SAMD5: variants seen among roughly 807,000 people sequenced by gnomAD.
The protein encoded by SAMD5 is sterile alpha motif domain containing 5, also known as sterile alpha motif domain-containing protein 5.
SAMD5 carries 13 observed loss-of-function variants against 11.3 expected under a neutral mutation model. The ratio of observed to expected loss-of-function variants is 1.15; its 90% CI spans 0.75 to 1.83. The LOEUF is 1.83. Among genes scored for constraint, SAMD5 ranks in the 40% most tolerant of loss-of-function variants. The pLI is 0.00. For synonymous variants in SAMD5, 129 were observed against 111.3 expected, an observed-to-expected ratio of 1.16 and a Z score of -1.00; for missense variants, 255 against 239.1, an observed-to-expected ratio of 1.07 and a Z score of -0.44.
chr6:147,735,087 A>G (rs1791776172), intron 1 of SAMD5, among the ~76,000 whole-genome samples: 1 of 152,244 alleles, frequency 6.6e-6, no homozygotes, highest in Admixed American at 6.5e-5. Context: ...AGAGCTGGTT[A>G]AATGTTTATG....
At chr6:147,885,125 T>G in the SAMD5 span, among the ~76,000 whole-genome samples, 7 of 152,342 alleles carry the variant, frequency 4.6e-5, no homozygotes, top group African/African-American at 1.7e-4. Context: ...CTGCCAGTAT[T>G]GCTTTTGTCT....
At chr6:147,581,260 C>T (rs1789293001) in intron 1 of SAMD5, among the ~76,000 whole-genome samples, 1 of 152,034 alleles carries the variant, frequency 6.6e-6, no homozygotes, top group Non-Finnish European at 1.5e-5. Context: ...ATTTGTAGGG[C>T]AAGGGGGATA....
chr6:147,832,675 C>T, the SAMD5 span, among the ~76,000 whole-genome samples: 6 of 152,220 alleles, frequency 3.9e-5, no homozygotes, highest in South Asian at 2.1e-4. Flanking sequence ...TCTATTGCTT[C>T]GTTAATACTT....
In SAMD5 at chr6:147,568,140, G is replaced by A. The variant is rs1277907468; in HGVS notation, c.*3684G>A. ...GATTTACAAATTAGGAGTGCAAATG[G>A]GCTGTTCCCCGATAGCATCTTCTGG... On this transcript the variant is annotated 3_prime_UTR_variant, in exon 2 of 2. Coordinates refer to ENST00000367474, the MANE Select transcript of SAMD5 (RefSeq NM_001030060.3). 2.0e-6 allele frequency: 2 copies of A among 985,100 alleles called. No individual in the cohort carries two copies. Among genetic ancestry groups the A allele is most frequent in the Non-Finnish European group, 2.4e-6 (2 of 829,894 alleles). 61.0% of individuals were successfully genotyped at this position (985,100 alleles called of 1,614,324 possible).
At chr6:147,672,909 T>A (rs1480706174) in intron 1 of SAMD5, among the ~76,000 whole-genome samples, 1 of 152,208 alleles carries the variant, frequency 6.6e-6, no homozygotes, top group Non-Finnish European at 1.5e-5. Flanking sequence ...TTGTTGTAAC[T>A]GTTTAACATA....
intron 1 of SAMD5, among the ~76,000 whole-genome samples, chr6:147,586,417 G>C: frequency 6.6e-6 from 1 of 152,100 alleles, no homozygotes; most frequent in East Asian, 1.9e-4. Flanking sequence ...AGGTAAATAT[G>C]CTTGTGCCCT....
the SAMD5 span, among the ~76,000 whole-genome samples, chr6:147,744,622 G>T: frequency 1.3e-5 from 2 of 152,286 alleles, no homozygotes; most frequent in South Asian, 4.1e-4. Flanking sequence ...CCCAGGCTGG[G>T]CGCGGTGGCT....
At chr6:147,559,801 T>A (rs1046288703) in intron 1 of SAMD5, among the ~76,000 whole-genome samples, 2 of 152,242 alleles carry the variant, frequency 1.3e-5, no homozygotes, top group Non-Finnish European at 2.9e-5. Flanking sequence ...GAAAACTCTT[T>A]AAATAGAAAA....
intron 1 of SAMD5, among the ~76,000 whole-genome samples, chr6:147,707,585 T>A (rs1382034791): frequency 6.6e-6 from 1 of 152,330 alleles, no homozygotes; most frequent in East Asian, 1.9e-4. Flanking sequence ...GTGTTTAATG[T>A]AAAATTTTCA....
At chr6:147,662,455 G>A (rs1203574386) in intron 1 of SAMD5, among the ~76,000 whole-genome samples, 3 of 152,176 alleles carry the variant, frequency 2.0e-5, no homozygotes, top group African/African-American at 7.2e-5. Context: ...GAAGAAAAAT[G>A]GCTGATTTCC....
At chr6:147,920,059 G>T in the SAMD5 span, among the ~76,000 whole-genome samples, 4 of 152,138 alleles carry the variant, frequency 2.6e-5, no homozygotes, top group Non-Finnish European at 5.9e-5. Flanking sequence ...GTTTGTGATG[G>T]TTACCATTGA....
intron 1 of SAMD5, among the ~76,000 whole-genome samples, chr6:147,680,413 A>T (rs1463828499): frequency 6.6e-6 from 1 of 152,140 alleles, no homozygotes; most frequent in Non-Finnish European, 1.5e-5. Context: ...TCTGGTAAAC[A>T]CATTATTATT....
intron 1 of SAMD5, among the ~76,000 whole-genome samples, chr6:147,716,891 C>T (rs1446028574): frequency 6.6e-6 from 1 of 152,226 alleles, no homozygotes; most frequent in African/African-American, 2.4e-5. Context: ...AATCTTGACA[C>T]CACCTGTGAC....
the SAMD5 span, among the ~76,000 whole-genome samples, chr6:147,799,611 G>A: frequency 6.6e-6 from 1 of 151,544 alleles, no homozygotes; most frequent in Non-Finnish European, 1.5e-5. Context: ...TCTGAACTTT[G>A]GCCTGCCTTA....
intron 1 of SAMD5, among the ~76,000 whole-genome samples, chr6:147,621,688 C>T (rs1562335690): frequency 6.6e-6 from 1 of 152,186 alleles, no homozygotes; most frequent in Non-Finnish European, 1.5e-5. Flanking sequence ...AGGAGAGCTG[C>T]CGAGGAGCAG....
the SAMD5 span, among the ~76,000 whole-genome samples, chr6:147,877,874 A>ACACACACC: frequency 2.5e-5 from 3 of 120,546 alleles, no homozygotes; most frequent in African/African-American, 7.6e-5. Context: ...ACACACACAC[A>ACACACACC]CACACACGAT....
chr6:147,595,623 C>G (rs906918711), intron 1 of SAMD5, among the ~76,000 whole-genome samples: 22 of 149,404 alleles, frequency 1.5e-4, no homozygotes, highest in African/African-American at 4.5e-4. Context: ...ACCTCCTAGG[C>G]TCAAAAGATT....
At chr6:147,524,010 CAG>C (rs1267168088) in intron 1 of SAMD5, among the ~76,000 whole-genome samples, 3 of 152,198 alleles carry the variant, frequency 2.0e-5, no homozygotes, top group African/African-American at 7.2e-5. Context: ...TACTTCATTA[CAG>C]AGAGTTGGTA....
At chr6:147,715,881 C>G (rs1346910403) in intron 1 of SAMD5, among the ~76,000 whole-genome samples, 1 of 152,124 alleles carries the variant, frequency 6.6e-6, no homozygotes, top group African/African-American at 2.4e-5. Context: ...CTCCTCCTCT[C>G]CTGGAGTCTG....
Sources: allele counts gnomAD v4.1 joint callset (sites outside exome capture counted in the v4.1 genomes callset), GRCh38; gene constraint gnomAD v4.1.1; transcripts MANE v1.5; gene names NCBI Gene and HGNC (gene_info 2026-07-23, HGNC 2026-07-21).